The following UNC13C variants were observed in gnomAD, a reference collection of about 807,000 sequenced individuals.
UNC13C encodes unc-13 homolog C.
UNC13C carries 174 observed loss-of-function variants against 245.4 expected under a neutral mutation model. The observed-to-expected ratio is 0.71, with a 90% CI of 0.63 to 0.80. The LOEUF (loss-of-function observed/expected upper bound fraction) is 0.80. Ranked by LOEUF, UNC13C falls within the 30% of genes least tolerant of loss-of-function variation. UNC13C has a pLI of 0.00. For missense variants in UNC13C, 2,829 were observed against 2,602.9 expected, an observed-to-expected ratio of 1.09 and a Z score of -1.89; for synonymous variants, 992 against 895.1, an observed-to-expected ratio of 1.11 and a Z score of -1.93.
intron 25 of UNC13C, among the ~76,000 whole-genome samples, chr15:54,529,627 G>A (rs1255014726): frequency 6.6e-6 from 1 of 152,090 alleles, no homozygotes; most frequent in Non-Finnish European, 1.5e-5. Flanking sequence ...TTTAATAAAA[G>A]CATTATATAG....
At chr15:54,079,701 G>A (rs1898832893) in intron 2 of UNC13C, among the ~76,000 whole-genome samples, 1 of 151,954 alleles carries the variant, frequency 6.6e-6, no homozygotes, top group Middle Eastern at 3.2e-3. Context: ...AGGTCTAGGA[G>A]TCTTTTAAAA....
At chr15:54,183,138 AC>A (rs1333215265) in intron 4 of UNC13C, among the ~76,000 whole-genome samples, 2 of 151,990 alleles carry the variant, frequency 1.3e-5, no homozygotes, top group African/African-American at 4.8e-5. Context: ...AAATAGGGGG[AC>A]AAAAGCAGAG....
chr15:54,040,066 C>G (rs118015914), intron 2 of UNC13C, among the ~76,000 whole-genome samples: 6 of 152,048 alleles, frequency 3.9e-5, no homozygotes, highest in Non-Finnish European at 5.9e-5. Flanking sequence ...TCCTCATTAC[C>G]TCTCCAAGCT....
chr15:53,854,401 G>A, the UNC13C span, among the ~76,000 whole-genome samples: 1 of 151,878 alleles, frequency 6.6e-6, no homozygotes, highest in African/African-American at 2.4e-5. Flanking sequence ...TTACAGGTGT[G>A]AGCCACCATG....
chr15:54,502,579 T>G (rs1894273797), intron 22 of UNC13C, among the ~76,000 whole-genome samples: 1 of 152,134 alleles, frequency 6.6e-6, no homozygotes, highest in African/African-American at 2.4e-5. Flanking sequence ...AGTCTTTTCT[T>G]GATGAGCAGC....
chr15:54,059,898 A>G lies in UNC13C; in HGVS notation c.2983+44012A>G, dbSNP rs904852784. ...TCCCTATTTAATAAATGGTGCTGGG[A>G]AAACTGGCTAGCCATATGGAGAAAG... On this transcript the variant is annotated intron_variant, in intron 2 of 32. Coordinates refer to ENST00000260323, the MANE Select transcript of UNC13C (RefSeq NM_001080534.3). Among the ~76,000 whole-genome samples the G allele has an allele frequency of 4.6e-5, 7 of 152,226 alleles. No individual in the cohort carries two copies. The South Asian group carries it at 1.2e-3, about 27-fold the overall frequency.
intron 1 of UNC13C, among the ~76,000 whole-genome samples, chr15:54,010,058 T>G (rs1210079404): frequency 6.6e-6 from 1 of 152,224 alleles, no homozygotes; most frequent in East Asian, 1.9e-4. Context: ...ATGTCTCAGA[T>G]GCTTCCCTTC....
At chr15:54,590,312 CT>C (rs1898717473) in intron 30 of UNC13C, among the ~76,000 whole-genome samples, 1 of 151,976 alleles carries the variant, frequency 6.6e-6, no homozygotes, top group African/African-American at 2.4e-5. Context: ...ATTCTTTTTT[CT>C]AGCTCTGAAG....
At chr15:54,498,949 G>A (rs1428009552) in intron 20 of UNC13C, among the ~76,000 whole-genome samples, 2 of 152,096 alleles carry the variant, frequency 1.3e-5, no homozygotes, top group Non-Finnish European at 2.9e-5. Flanking sequence ...ACAAACTGGA[G>A]AACTACATTA....
At chr15:53,966,003 T>A in the UNC13C span, among the ~76,000 whole-genome samples, 1 of 152,172 alleles carries the variant, frequency 6.6e-6, no homozygotes, top group Admixed American at 6.6e-5. Flanking sequence ...TCTTTGCTAT[T>A]GTGAATAATG....
chr15:54,206,177 A>C (rs981394603), intron 4 of UNC13C, among the ~76,000 whole-genome samples: 8 of 151,992 alleles, frequency 5.3e-5, no homozygotes, highest in African/African-American at 1.9e-4. Flanking sequence ...ACCTTCCTAA[A>C]AATATTTATA....
intron 4 of UNC13C, among the ~76,000 whole-genome samples, chr15:54,195,527 C>G (rs146028057): frequency 1.3e-5 from 2 of 152,064 alleles, no homozygotes; most frequent in Non-Finnish European, 2.9e-5. Context: ...ACAGAAGCAG[C>G]GCCTTTTGCA....
At chr15:54,233,074 CACAGTCTCTTG>C (rs981159821) in intron 4 of UNC13C, among the ~76,000 whole-genome samples, 35 of 152,204 alleles carry the variant, frequency 2.3e-4, no homozygotes, top group African/African-American at 8.4e-4. Context: ...TTTTCTACTC[CACAGTCTCTTG>C]ACATTCAAAA....
intron 2 of UNC13C, among the ~76,000 whole-genome samples, chr15:54,067,625 T>A (rs903141770): frequency 6.6e-6 from 1 of 152,228 alleles, no homozygotes; most frequent in Non-Finnish European, 1.5e-5. Flanking sequence ...TCGATAGATA[T>A]ATATTTATGA....
chr15:54,235,251 T>A (rs768029957), intron 5 of UNC13C, 143 bp downstream of exon 5: 4 of 570,832 alleles, frequency 7.0e-6, no homozygotes, highest in Non-Finnish European at 1.2e-5. Flanking sequence ...CCTGCTGTTA[T>A]ATTTATTATT....
intron 19 of UNC13C, among the ~76,000 whole-genome samples, chr15:54,438,970 G>C (rs1890372280): frequency 6.6e-6 from 1 of 151,832 alleles, no homozygotes; most frequent in Non-Finnish European, 1.5e-5. Flanking sequence ...GGTTTTAGAA[G>C]TTTAACTTAT....
At chr15:54,334,101 G>T (rs1431159359) in intron 16 of UNC13C, among the ~76,000 whole-genome samples, 1 of 152,058 alleles carries the variant, frequency 6.6e-6, no homozygotes, top group Non-Finnish European at 1.5e-5. Context: ...ATTTGTCTTA[G>T]AGAAAGCTCT....
intron 4 of UNC13C, among the ~76,000 whole-genome samples, chr15:54,227,242 A>T (rs2035412436): frequency 6.6e-6 from 1 of 152,040 alleles, no homozygotes; most frequent in African/African-American, 2.4e-5. Flanking sequence ...GTGTGTGCTG[A>T]TCGGTCCATG....
chr15:54,595,899 A>G (rs543109234), intron 30 of UNC13C, among the ~76,000 whole-genome samples: 111 of 152,316 alleles, frequency 7.3e-4, no homozygotes, highest in African/African-American at 2.6e-3. Flanking sequence ...CATTCATTAT[A>G]CTAGTTACTC....
Sources: gnomAD v4.1 joint callset for allele counts (sites outside exome capture counted in the v4.1 genomes callset) on GRCh38, gnomAD v4.1.1 for gene constraint, MANE v1.5 for transcripts, NCBI Gene and HGNC (gene_info 2026-07-23, HGNC 2026-07-21) for gene names.